CACNA1B: variants seen among roughly 807,000 people sequenced by gnomAD.
CACNA1B encodes calcium voltage-gated channel subunit alpha1 B.
CACNA1B carries 70 observed loss-of-function variants against 247.2 expected under a neutral mutation model. That is an observed-to-expected ratio of 0.28 (90% confidence interval 0.23 to 0.35). The LOEUF is 0.35. Ranked by LOEUF, CACNA1B falls within the 10% of genes least tolerant of loss-of-function variation. CACNA1B has a pLI of 1.00. For synonymous variants in CACNA1B, 1,231 were observed against 1,294.4 expected (o/e 0.95, Z 1.05); for missense variants, 2,367 against 3,197.4 (o/e 0.74, Z 6.26).
At position 137,917,490 on chromosome 9, in the gene CACNA1B, C is replaced by A; in HGVS notation, c.966+59C>A. ...GGCCCTGGACCTCCTGAGCTGGTGC[C>A]TCTGGGGGTCCATTTAGGGGGGCCC... On this transcript the variant is annotated intron_variant, in intron 6 of 46. Transcript: ENST00000371372. The surrounding 1 kb of genome is among the most constrained non-coding windows in gnomAD (Gnocchi z 5.5). The A allele has an allele frequency of 6.7e-7, 1 of 1,483,198 alleles. No homozygotes were observed. The highest frequency in any genetic ancestry group is 9.3e-7 in the Non-Finnish European group (1 of 1,079,426). 91.9% of individuals were successfully genotyped at this position (1,483,198 alleles called of 1,614,324 possible). A position where few individuals can be genotyped will look rare whatever the true frequency, so the allele number is the denominator to read the frequency against.
At chr9:137,959,946 G>A (rs553360764) in intron 10 of CACNA1B, among the ~76,000 whole-genome samples, 3 of 152,186 alleles carry the variant, frequency 2.0e-5, no homozygotes, top group Admixed American at 6.5e-5. Flanking sequence ...GAGTGGAAGC[G>A]TGTGGAGGGG....
chr9:138,092,968 A>G (rs890519884), intron 36 of CACNA1B, among the ~76,000 whole-genome samples: 2 of 152,212 alleles, frequency 1.3e-5, no homozygotes, highest in Non-Finnish European at 2.9e-5. Context: ...TCATCTGACA[A>G]GTGATTAATA....
In CACNA1B at chr9:138,050,768, C is replaced by T. The variant is rs914921615; in HGVS notation, c.3711-1324C>T. Among the ~76,000 whole-genome samples, 4 of 152,182 alleles carry T rather than the reference C, an allele frequency of 2.6e-5. No individual in the cohort carries two copies. The highest frequency in any genetic ancestry group is 1.9e-4 in the East Asian group (1 of 5,164). ...TCCTGTCCCCTCTTCCCTCAGCTGG[C>T]GGAGGAGCTGGTTTGAGAGTGGGTG... On this transcript the variant is annotated intron_variant, in intron 24 of 46. Transcript: ENST00000371372. This position sits in a 1 kb window ranked among gnomAD's most constrained non-coding sequence, Gnocchi z 5.2.
At chr9:138,030,398 T>C (rs1251227891) in intron 20 of CACNA1B, among the ~76,000 whole-genome samples, 1 of 152,216 alleles carries the variant, frequency 6.6e-6, no homozygotes, top group Non-Finnish European at 1.5e-5. Flanking sequence ...TATTGATTTA[T>C]TTTCAAATAT....
Position 138,022,909 on chromosome 9 carries a change from T to A in CACNA1B, c.2268-102T>A, listed in dbSNP as rs577740924. On this transcript the variant is annotated intron_variant, in intron 18 of 46. Coordinates refer to ENST00000371372, the MANE Select transcript of CACNA1B (RefSeq NM_000718.4). ...GGCTCCCGCGGCCACGCCTCCCACC[T>A]CCCTGCGCCATTACTCCATTGCTGT... The A allele has an allele frequency of 3.7e-6, 5 of 1,337,320 alleles. No homozygotes were observed. The South Asian group carries it at 8.6e-5, about 23-fold the overall frequency. 82.8% of individuals were successfully genotyped at this position (1,337,320 alleles called of 1,614,324 possible).
chr9:137,983,537 A>C (rs1958318239), intron 12 of CACNA1B, among the ~76,000 whole-genome samples: 1 of 151,978 alleles, frequency 6.6e-6, no homozygotes, highest in South Asian at 2.1e-4. Context: ...CAACATCAAC[A>C]GTGCATGAAA....
intron 15 of CACNA1B, among the ~76,000 whole-genome samples, chr9:137,989,743 A>C (rs1182472452): frequency 6.6e-6 from 1 of 152,156 alleles, no homozygotes; most frequent in African/African-American, 2.4e-5. Flanking sequence ...TTCAGACACA[A>C]ATAGGAGTGA....
At position 137,888,352 on chromosome 9, in the gene CACNA1B, C is replaced by T. The variant is rs1957046517; in HGVS notation, c.530+5469C>T. ...CTGTCCCCACGTCACTGCCTCTGCC[C>T]TCCCGGGCCCCTCAGGAAGCCCCTG... On this transcript the variant is annotated intron_variant, in intron 3 of 46. Transcript: ENST00000371372. The surrounding 1 kb of genome is among the most constrained non-coding windows in gnomAD (Gnocchi z 4.7). Among the ~76,000 whole-genome samples the T allele has an allele frequency of 2.0e-5, 3 of 152,020 alleles. No individual in the cohort carries two copies. The South Asian group carries it at 6.2e-4, about 31-fold the overall frequency.
In CACNA1B at chr9:138,122,775, A is replaced by C. The variant is rs1962145289; in HGVS notation, c.*776A>C. The C allele has an allele frequency of 6.6e-6, 1 of 152,244 alleles. No individual in the cohort carries two copies. Among genetic ancestry groups the C allele is most frequent in the Admixed American group, 6.5e-5 (1 of 15,286 alleles). The allele number at this position is 152,244 out of a possible 1,614,324, so 9.4% of individuals were successfully genotyped here. ...CTCCCTGTGCAGCCCTGTCCGGTCC[A>C]GGTGGACGTAGACGGCCCCTGGCTC... On this transcript the variant is annotated 3_prime_UTR_variant, in exon 47 of 47. Coordinates refer to ENST00000371372, the MANE Select transcript of CACNA1B (RefSeq NM_000718.4).
intron 31 of CACNA1B, among the ~76,000 whole-genome samples, chr9:138,061,758 A>G (rs1959732871): frequency 6.6e-6 from 1 of 152,206 alleles, no homozygotes; most frequent in African/African-American, 2.4e-5. Context: ...GATGAGACAA[A>G]TCACTGCCCT....
chr9:138,060,451 G>A (rs1356889252), intron 31 of CACNA1B, among the ~76,000 whole-genome samples: 1 of 152,218 alleles, frequency 6.6e-6, no homozygotes, highest in Non-Finnish European at 1.5e-5. Flanking sequence ...CAGAAATCCT[G>A]CGTCCCAAGC....
At chr9:137,984,689 G>T (rs1958335900) in intron 13 of CACNA1B, among the ~76,000 whole-genome samples, 1 of 152,180 alleles carries the variant, frequency 6.6e-6, no homozygotes, top group African/African-American at 2.4e-5. Flanking sequence ...CCATGGTCCT[G>T]AGCTTCTCAC....
At chr9:137,945,158 T>C (rs915110767) in intron 6 of CACNA1B, among the ~76,000 whole-genome samples, 17 of 152,216 alleles carry the variant, frequency 1.1e-4, no homozygotes, top group African/African-American at 3.4e-4. Context: ...CCAGCTGATA[T>C]TGGGGCTATA....
chr9:138,028,799 T>A (rs1958952576), intron 20 of CACNA1B, among the ~76,000 whole-genome samples: 1 of 152,214 alleles, frequency 6.6e-6, no homozygotes, highest in African/African-American at 2.4e-5. Flanking sequence ...TTCTGATTGG[T>A]CCATATAGCT....
rs1242324368 is a variant in CACNA1B at position 137,986,668 on chromosome 9, A to G, written c.1902-114A>G. On this transcript the variant is annotated intron_variant, in intron 14 of 46. Transcript: ENST00000371372. The surrounding 1 kb of genome is among the most constrained non-coding windows in gnomAD (Gnocchi z 6.0). ...CACCAGGAAGGTCCTCAGAGGGGCC[A>G]GTGTGCAGCCATCTGCAGCCTGAAG... is the stretch of plus-strand genomic sequence containing the variant. 2.8e-6 allele frequency: 4 copies of G among 1,419,988 alleles called. No individual in the cohort carries two copies. The East Asian group carries it at 6.8e-5, about 24-fold the overall frequency. 88.0% of individuals were successfully genotyped at this position (1,419,988 alleles called of 1,614,324 possible). A position where few individuals can be genotyped will look rare whatever the true frequency, so the allele number is the denominator to read the frequency against.
chr9:138,112,510 G>A lies in CACNA1B; in HGVS notation c.5536+5G>A. ...TGCTGGTACCACCCCATAAGCGTAA[G>A]TGTGAGGGTGAGAAATGCCCCCAGC... On this transcript the variant is annotated splice_donor_5th_base_variant and intron_variant, in intron 40 of 46. Coordinates refer to ENST00000371372, the MANE Select transcript of CACNA1B (RefSeq NM_000718.4). 6.4e-7 allele frequency: 1 copy of A among 1,570,618 alleles called. No individual in the cohort carries two copies. Among genetic ancestry groups the A allele is most frequent in the Non-Finnish European group, 8.8e-7 (1 of 1,140,266 alleles).
chr9:137,969,011 T>C (rs961984391), intron 10 of CACNA1B, among the ~76,000 whole-genome samples: 5 of 152,244 alleles, frequency 3.3e-5, no homozygotes, highest in Non-Finnish European at 4.4e-5. Flanking sequence ...ATTCCAGAGA[T>C]GTTTCCGCGT....
chr9:138,087,292 G>C (rs1960722793), intron 36 of CACNA1B, among the ~76,000 whole-genome samples: 1 of 147,404 alleles, frequency 6.8e-6, no homozygotes, highest in African/African-American at 2.6e-5. Context: ...GGCTGAGGCA[G>C]GAGAATCACT....
chr9:138,120,319 G>A lies in CACNA1B; in HGVS notation c.6185G>A (p.Arg2062Lys). Residue 2062 changes from arginine (R) to lysine (K), a missense_variant, in exon 45 of 47, where the codon AGG (arginine) becomes AAG (lysine). Arg to Lys is a conservative substitution (Grantham distance 26, BLOSUM62 2). Around this residue, in one of 12 missense-constraint regions of CACNA1B, gnomAD observed 773 missense variants for 779.4 expected, o/e 0.99. Transcript: ENST00000371372. ...HHHRCHRRRD[R>K]KQRSLEKGPS... ...CACCGCTGCCACCGCCGCAGGGACA[G>A]GAAGCAGAGGTCCCTGGAGAAGGGG... 3 of 1,565,188 alleles carry A rather than the reference G, an allele frequency of 1.9e-6. No individual in the cohort carries two copies. The highest frequency in any genetic ancestry group is 2.6e-6 in the Non-Finnish European group (3 of 1,160,262).
Sources: allele counts gnomAD v4.1 joint callset (sites outside exome capture counted in the v4.1 genomes callset), GRCh38; gene constraint gnomAD v4.1.1; regional missense constraint gnomAD v4.1.1; non-coding constraint Gnocchi (gnomAD v3.1); transcripts MANE v1.5; gene names NCBI Gene and HGNC (gene_info 2026-07-23, HGNC 2026-07-21).